GALNT2: variants seen among roughly 807,000 people sequenced by gnomAD.
The protein encoded by GALNT2 is polypeptide N-acetylgalactosaminyltransferase 2, also known as UDP-GalNAc:polypeptide N-acetylgalactosaminyltransferase 2.
A neutral mutation model predicts 81.4 loss-of-function variants in GALNT2; 31 were observed. That is an observed-to-expected ratio of 0.38 (90% CI 0.29 to 0.51). The LOEUF (loss-of-function observed/expected upper bound fraction) is 0.51, where lower values mean the gene tolerates loss of function less well. Ranked by LOEUF, GALNT2 falls within the 20% of genes least tolerant of loss-of-function variation. The pLI is 0.87. For synonymous variants in GALNT2, 303 were observed against 287.4 expected, an observed-to-expected ratio of 1.05 and a Z score of -0.55; for missense variants, 629 against 765.7, an observed-to-expected ratio of 0.82 and a Z score of 2.11.
chr1:230,279,838 C>G lies in GALNT2; in HGVS notation c.*380C>G. On this transcript the variant is annotated 3_prime_UTR_variant, in exon 16 of 16. Transcript: ENST00000366672. The surrounding 1 kb of genome is among the most constrained non-coding windows in gnomAD (Gnocchi z 4.6). ...GGACAGGGCGGGAGGAGGGGGCACA[C>G]ATGCCCCAGGGGAGCGAGGAGAACT... 2.1e-6 allele frequency: 1 copy of G among 475,386 alleles called. No individual in the cohort carries two copies. Among genetic ancestry groups the G allele is most frequent in the South Asian group, 1.5e-5 (1 of 64,710 alleles). The allele number at this position is 475,386 out of a possible 1,614,324, so 29.4% of individuals were successfully genotyped here. A position where few individuals can be genotyped will look rare whatever the true frequency, so the allele number is the denominator to read the frequency against.
Position 230,118,835 on chromosome 1 carries a change from G to A in GALNT2, c.126+51429G>A, listed in dbSNP as rs568489317. 5.9e-5 allele frequency among the ~76,000 whole-genome samples: 9 copies of A among 152,178 alleles called. No homozygotes were observed. In the South Asian group the frequency reaches 1.7e-3, roughly 28 times the overall value. ...AGCCCAATTAAAAAAAGTTATTATAGTAAAGTTCAAATATATGTAAGTAGA... is the reference window on the plus strand; with the variant it reads ...AGCCCAATTAAAAAAAGTTATTATAATAAAGTTCAAATATATGTAAGTAGA... On this transcript the variant is annotated intron_variant, in intron 1 of 15. Coordinates refer to ENST00000366672, the MANE Select transcript of GALNT2 (RefSeq NM_004481.5).
intron 1 of GALNT2, among the ~76,000 whole-genome samples, chr1:230,161,648 TGA>T (rs72651036): frequency 0.019 from 2,821 of 152,272 alleles, 40 homozygotes; most frequent in Middle Eastern, 0.034. Flanking sequence ...CAGCCTGAAT[TGA>T]GATTCTGACT....
intron 1 of GALNT2, among the ~76,000 whole-genome samples, chr1:230,067,632 C>A (rs182287763): frequency 2.0e-5 from 3 of 152,060 alleles, no homozygotes; most frequent in African/African-American, 7.2e-5. Flanking sequence ...CTTTCTCTGC[C>A]CCCTCTCGTG....
At chr1:230,125,032 T>G (rs1661131714) in intron 1 of GALNT2, among the ~76,000 whole-genome samples, 1 of 152,218 alleles carries the variant, frequency 6.6e-6, no homozygotes, top group Non-Finnish European at 1.5e-5. Context: ...AGATTTTGCT[T>G]TATTTGTTGA....
At chr1:230,176,901 G>A (rs529511285) in intron 1 of GALNT2, among the ~76,000 whole-genome samples, 1 of 152,272 alleles carries the variant, frequency 6.6e-6, no homozygotes, top group East Asian at 1.9e-4. Flanking sequence ...GGTGGGTGGG[G>A]CTTGGACCCC....
intron 2 of GALNT2, among the ~76,000 whole-genome samples, chr1:230,196,395 A>G (rs1249906567): frequency 6.6e-6 from 1 of 152,140 alleles, no homozygotes; most frequent in Non-Finnish European, 1.5e-5. Flanking sequence ...TAATTTCCGT[A>G]CATTTGCTTG....
At chr1:230,254,572 A>T (rs1382501749) in intron 10 of GALNT2, among the ~76,000 whole-genome samples, 3 of 152,208 alleles carry the variant, frequency 2.0e-5, no homozygotes, top group Non-Finnish European at 4.4e-5. Flanking sequence ...TGAGCCTGCT[A>T]ATACACAGGG....
In GALNT2 at chr1:230,067,272, G is replaced by T; in HGVS notation, c.-9G>T. 7.5e-7 allele frequency: 1 copy of T among 1,336,174 alleles called. No homozygotes were observed. Among genetic ancestry groups the T allele is most frequent in the South Asian group, 1.8e-5 (1 of 56,916 alleles). 82.8% of individuals were successfully genotyped at this position (1,336,174 alleles called of 1,614,324 possible). ...CAGCGGCGGCCCCGCCGGCGGCCGA[G>T]TTGGGAGAATGCGGCGGCGCTCGCG... On this transcript the variant is annotated 5_prime_UTR_variant, in exon 1 of 16. Transcript: ENST00000366672.
chr1:230,095,634 C>T (rs1279819132), intron 1 of GALNT2, among the ~76,000 whole-genome samples: 1 of 152,204 alleles, frequency 6.6e-6, no homozygotes, highest in Non-Finnish European at 1.5e-5. Context: ...TAGACAGTCT[C>T]CAGCCAAGGG....
chr1:230,262,507 G>C lies in GALNT2; in HGVS notation c.1137-66G>C. On this transcript the variant is annotated intron_variant, in intron 11 of 15. Coordinates refer to ENST00000366672, the MANE Select transcript of GALNT2 (RefSeq NM_004481.5). ...CGCCTCAGTCACACGCCAGCAGACA[G>C]GTGCAAATGGAGTGATGCAGACAGA... is the stretch of plus-strand genomic sequence containing the variant. 2.9e-6 allele frequency: 4 copies of C among 1,377,418 alleles called. No individual in the cohort carries two copies. The South Asian group carries it at 4.7e-5, about 16-fold the overall frequency. The allele number at this position is 1,377,418 out of a possible 1,614,324, so 85.3% of individuals were successfully genotyped here.
chr1:230,134,659 CCTT>C (rs1406905511), intron 1 of GALNT2, among the ~76,000 whole-genome samples: 1 of 152,162 alleles, frequency 6.6e-6, no homozygotes, highest in Non-Finnish European at 1.5e-5. Flanking sequence ...TTTATAAACT[CCTT>C]CTGTATCAGC....
upstream of GALNT2, among the ~76,000 whole-genome samples, chr1:230,063,818 C>T (rs1283393042): frequency 6.6e-6 from 1 of 152,136 alleles, no homozygotes; most frequent in Non-Finnish European, 1.5e-5. Flanking sequence ...AATCACAGCA[C>T]CTGCTTTTTC....
chr1:230,273,206 AAC>A (rs564995598), intron 14 of GALNT2, among the ~76,000 whole-genome samples: 2 of 152,228 alleles, frequency 1.3e-5, no homozygotes, highest in Non-Finnish European at 2.9e-5. Flanking sequence ...CCAAGAAAAA[AAC>A]AGTGTCTTCA....
At chr1:230,113,455 G>C (rs956657697) in intron 1 of GALNT2, among the ~76,000 whole-genome samples, 1 of 152,148 alleles carries the variant, frequency 6.6e-6, no homozygotes, top group African/African-American at 2.4e-5. Flanking sequence ...TTGAGGAACA[G>C]CTGTGGTAGA....
At chr1:230,268,964 TC>T (rs1314198403) in intron 14 of GALNT2, among the ~76,000 whole-genome samples, 15 of 152,156 alleles carry the variant, frequency 9.9e-5, no homozygotes, top group Admixed American at 9.2e-4. Context: ...GTGAACAAGA[TC>T]GGGTCTGCAG....
chr1:230,188,506 T>C (rs960513694), intron 2 of GALNT2, among the ~76,000 whole-genome samples: 3 of 152,212 alleles, frequency 2.0e-5, no homozygotes, highest in Non-Finnish European at 4.4e-5. Context: ...GTTTTCCTTG[T>C]CTGTAAAATT....
chr1:230,185,678 G>T (rs1274033474), intron 2 of GALNT2, among the ~76,000 whole-genome samples: 1 of 152,158 alleles, frequency 6.6e-6, no homozygotes, highest in East Asian at 1.9e-4. Context: ...AGAACACAGT[G>T]CCCTGGCTTC....
At chr1:230,230,631 C>A (rs1367212512) in intron 3 of GALNT2, among the ~76,000 whole-genome samples, 1 of 152,222 alleles carries the variant, frequency 6.6e-6, no homozygotes, top group East Asian at 1.9e-4. Context: ...GCACTGGATA[C>A]CCAGAAAGTG....
chr1:230,227,393 T>C (rs1260344806), intron 3 of GALNT2, among the ~76,000 whole-genome samples: 1 of 151,250 alleles, frequency 6.6e-6, no homozygotes, highest in African/African-American at 2.4e-5. Context: ...GGTTATAGAC[T>C]CAGAAAATCC....
Sources: gnomAD v4.1 joint callset for allele counts (sites outside exome capture counted in the v4.1 genomes callset) on GRCh38, gnomAD v4.1.1 for gene constraint, Gnocchi (gnomAD v3.1) non-coding constraint, MANE v1.5 for transcripts, NCBI Gene and HGNC (gene_info 2026-07-23, HGNC 2026-07-21) for gene names.